ATP6V0D2: variants seen among roughly 807,000 people sequenced by gnomAD.
ATP6V0D2 encodes the protein V-type proton ATPase subunit d 2.
ATP6V0D2 carries 40 observed loss-of-function variants against 40.0 expected under a neutral mutation model. The ratio of observed to expected loss-of-function variants is 1.00; its 90% confidence interval spans 0.78 to 1.30. ATP6V0D2 has a LOEUF of 1.30. Among genes scored for constraint, ATP6V0D2 ranks in the 50% most tolerant of loss-of-function variants. ATP6V0D2 has a pLI of 0.00. For synonymous variants in ATP6V0D2, 179 were observed against 156.3 expected, an observed-to-expected ratio of 1.15 and a Z score of -1.08; for missense variants, 470 against 423.1, an observed-to-expected ratio of 1.11 and a Z score of -0.97.
intron 2 of ATP6V0D2, among the ~76,000 whole-genome samples, chr8:86,121,751 G>A (rs574257640): frequency 3.3e-5 from 5 of 152,164 alleles, no homozygotes; most frequent in Non-Finnish European, 4.4e-5. Flanking sequence ...TTGCAAATTC[G>A]AGGGTCTCTC....
intron 2 of ATP6V0D2, among the ~76,000 whole-genome samples, chr8:86,138,001 A>C (rs1446414562): frequency 6.6e-6 from 1 of 152,190 alleles, no homozygotes; most frequent in African/African-American, 2.4e-5. Flanking sequence ...TACATAGGTC[A>C]TAATATTCCC....
At chr8:86,144,086 T>A (rs797018320) in intron 5 of ATP6V0D2, among the ~76,000 whole-genome samples, 1 of 152,170 alleles carries the variant, frequency 6.6e-6, no homozygotes. Context: ...AACACCACCA[T>A]TGGTATCTAC....
chr8:86,107,862 T>A (rs111588662), intron 1 of ATP6V0D2, among the ~76,000 whole-genome samples: 395 of 152,270 alleles, frequency 2.6e-3, no homozygotes, highest in African/African-American at 9.0e-3. Context: ...AAGAGGACTT[T>A]GAAGTTTCAA....
intron 1 of ATP6V0D2, among the ~76,000 whole-genome samples, chr8:86,108,421 C>T (rs929771712): frequency 7.9e-5 from 12 of 152,278 alleles, no homozygotes; most frequent in South Asian, 4.1e-4. Flanking sequence ...GGATTAGAGG[C>T]GTGAGCCACT....
chr8:86,104,919 G>C (rs753007182), intron 1 of ATP6V0D2, among the ~76,000 whole-genome samples: 3 of 150,360 alleles, frequency 2.0e-5, no homozygotes, highest in Non-Finnish European at 4.4e-5. Context: ...ATAAATGACA[G>C]CTTAAAAGGC....
Position 86,150,133 on chromosome 8 carries a change from T to A in ATP6V0D2, c.661T>A (p.Phe221Ile), listed in dbSNP as rs1387451717. 4 of 1,612,548 alleles carry A rather than the reference T, an allele frequency of 2.5e-6. No homozygotes were observed. In the Admixed American group the frequency reaches 5.0e-5, roughly 20 times the overall value. ...TCAGTTTGAGGCCGACAGACGTGCTTTTATCATCACTCTTAACTCCTTTGG... is the reference window on the plus strand; with the variant it reads ...TCAGTTTGAGGCCGACAGACGTGCTATTATCATCACTCTTAACTCCTTTGG... Reference protein sequence around the residue: ...ILEFEADRRAFIITLNSFGTE... With the variant: ...ILEFEADRRAIIITLNSFGTE... The change falls in exon 6 of 8, where the codon TTT becomes ATT. Residue 221 changes from phenylalanine to isoleucine, a missense_variant. By Grantham distance (21) the Phe-to-Ile change is conservative. Coordinates refer to ENST00000285393, the MANE Select transcript of ATP6V0D2 (RefSeq NM_152565.1).
At chr8:86,148,143 A>C (rs774600713) in intron 5 of ATP6V0D2, among the ~76,000 whole-genome samples, 1 of 152,192 alleles carries the variant, frequency 6.6e-6, no homozygotes, top group Non-Finnish European at 1.5e-5. Flanking sequence ...CACATTAAAG[A>C]ACATCTATGA....
chr8:86,113,344 T>G (rs1003442038), intron 1 of ATP6V0D2, among the ~76,000 whole-genome samples: 4 of 151,998 alleles, frequency 2.6e-5, no homozygotes, highest in Admixed American at 1.3e-4. Context: ...TAGCCAGGTA[T>G]AGTGGCACAC....
intron 1 of ATP6V0D2, among the ~76,000 whole-genome samples, chr8:86,099,702 C>G (rs1192729368): frequency 1.3e-5 from 2 of 152,178 alleles, no homozygotes; most frequent in Non-Finnish European, 2.9e-5. Flanking sequence ...CCATGTTGGC[C>G]AGGCTGGTCT....
chr8:86,121,895 C>T (rs1227320385), intron 2 of ATP6V0D2, among the ~76,000 whole-genome samples: 1 of 152,120 alleles, frequency 6.6e-6, no homozygotes, highest in Non-Finnish European at 1.5e-5. Context: ...TAAATACAAT[C>T]TTAAGCATTG....
chr8:86,123,061 T>C (rs1055232689), intron 2 of ATP6V0D2, among the ~76,000 whole-genome samples: 5 of 152,172 alleles, frequency 3.3e-5, no homozygotes, highest in Non-Finnish European at 7.3e-5. Flanking sequence ...AGAAGTATTT[T>C]CCCCCTGGGT....
chr8:86,133,786 A>T lies in ATP6V0D2; in HGVS notation c.303-5671A>T, dbSNP rs1389507864. ...GGCTGAGCGGGAAGCTGGGCCTTTG[A>T]CCACCTCCCAGCAGTAATGAGCCCT... On this transcript the variant is annotated intron_variant, in intron 2 of 7. Transcript: ENST00000285393. Among the ~76,000 whole-genome samples, 5 of 152,028 alleles carry T rather than the reference A, an allele frequency of 3.3e-5. No individual in the cohort carries two copies. In the South Asian group the frequency reaches 1.0e-3, roughly 32 times the overall value.
intron 2 of ATP6V0D2, among the ~76,000 whole-genome samples, chr8:86,126,177 G>T (rs10090377): frequency 0.62 from 88,044 of 141,944 alleles, 28,185 homozygotes; most frequent in Non-Finnish European, 0.71. Flanking sequence ...CCTCAAGTGA[G>T]CCACCTGCCT....
At chr8:86,107,181 A>G (rs1217418015) in intron 1 of ATP6V0D2, among the ~76,000 whole-genome samples, 1 of 152,196 alleles carries the variant, frequency 6.6e-6, no homozygotes, top group East Asian at 1.9e-4. Context: ...CAAATCTTGA[A>G]TAATAGATTG....
At chr8:86,132,370 A>G (rs1484736699) in intron 2 of ATP6V0D2, among the ~76,000 whole-genome samples, 2 of 152,212 alleles carry the variant, frequency 1.3e-5, no homozygotes, top group East Asian at 1.9e-4. Flanking sequence ...TATGTCATAC[A>G]TTGTTGTTAA....
At position 86,115,357 on chromosome 8, in the gene ATP6V0D2, C is replaced by CT. The variant is rs1586088786; in HGVS notation, c.302+1477_302+1478insT. ...TCTTTCTTTGTCCTTCCGTATCATC[C>CT]ATTTTTTTTTTTTTTTTTTTTTTTT... On this transcript the variant is annotated intron_variant, in intron 2 of 7. Transcript: ENST00000285393. Among the ~76,000 whole-genome samples the CT allele has an allele frequency of 7.5e-4, 60 of 79,474 alleles. 1 individual carries two copies. The highest frequency in any genetic ancestry group is 2.7e-3 in the African/African-American group (45 of 16,626). 52.1% of individuals were successfully genotyped at this position (79,474 alleles called of 152,430 possible). A position where few individuals can be genotyped will look rare whatever the true frequency, so the allele number is the denominator to read the frequency against.
intron 1 of ATP6V0D2, among the ~76,000 whole-genome samples, chr8:86,108,964 C>T (rs1199127266): frequency 2.0e-5 from 3 of 152,100 alleles, no homozygotes; most frequent in Middle Eastern, 3.2e-3. Context: ...TATTCTATTG[C>T]TGTGTGGCAC....
chr8:86,101,146 C>CAAA (rs11414383), intron 1 of ATP6V0D2, among the ~76,000 whole-genome samples: 4 of 129,768 alleles, frequency 3.1e-5, no homozygotes, highest in Admixed American at 8.0e-5. Flanking sequence ...AATTCTGTCT[C>CAAA]AAAAAAAAAA....
intron 2 of ATP6V0D2, among the ~76,000 whole-genome samples, chr8:86,128,847 GCTTCTTGT>G (rs777448632): frequency 6.6e-6 from 1 of 152,128 alleles, no homozygotes; most frequent in Non-Finnish European, 1.5e-5. Context: ...GTATCACTCA[GCTTCTTGT>G]CTTCACACCA....
Sources: gnomAD v4.1 joint callset for allele counts (sites outside exome capture counted in the v4.1 genomes callset) on GRCh38, gnomAD v4.1.1 for gene constraint, MANE v1.5 for transcripts, NCBI Gene and HGNC (gene_info 2026-07-23, HGNC 2026-07-21) for gene names.